The following TVP23A variants were observed in gnomAD, a reference collection of about 807,000 sequenced individuals.
TVP23A encodes the protein Golgi apparatus membrane protein TVP23 homolog A.
A neutral mutation model predicts 31.7 loss-of-function variants in TVP23A; 21 were observed. The ratio of observed to expected loss-of-function variants is 0.66; its 90% CI spans 0.47 to 0.95. The LOEUF (loss-of-function observed/expected upper bound fraction) is 0.95. Among genes scored for constraint, TVP23A ranks in the 40% least tolerant of loss-of-function variants. The pLI, the probability that TVP23A is intolerant of heterozygous loss-of-function variation, is 0.00. For synonymous variants in TVP23A, 104 were observed against 96.0 expected (o/e 1.08, Z -0.49); for missense variants, 279 against 255.6 (o/e 1.09, Z -0.62).
intron 7 of TVP23A, among the ~76,000 whole-genome samples, 196 bp downstream of exon 7, chr16:10,770,076 C>G (rs530230283): frequency 7.8e-4 from 119 of 152,368 alleles, no homozygotes; most frequent in Middle Eastern, 6.8e-3. Context: ...CGACCCCCAG[C>G]TCCTCACGCC....
At chr16:10,758,079 G>C (rs747320664), downstream of TVP23A, 37 of 1,586,730 alleles carry the variant, frequency 2.3e-5, no homozygotes, top group Non-Finnish European at 3.2e-5. Flanking sequence ...CACACTGTGA[G>C]ATTTCTTTCC....
At chr16:10,775,705 A>G (rs2031960961) in intron 2 of TVP23A, among the ~76,000 whole-genome samples, 1 of 148,954 alleles carries the variant, frequency 6.7e-6, no homozygotes, top group Non-Finnish European at 1.5e-5. Flanking sequence ...GAAGAGAGGG[A>G]GCCAAGGGGA....
chr16:10,758,176 G>A (rs1092688), downstream of TVP23A: 756 of 850,126 alleles, frequency 8.9e-4, 8 homozygotes, highest in Middle Eastern at 7.3e-3. Flanking sequence ...CAGAAACCTC[G>A]TGTTAAAAAC....
intron 2 of TVP23A, among the ~76,000 whole-genome samples, chr16:10,784,753 A>C (rs1341955295): frequency 6.6e-6 from 1 of 152,176 alleles, no homozygotes; most frequent in Non-Finnish European, 1.5e-5. Flanking sequence ...GGAGTATATA[A>C]AAATTATATG....
chr16:10,809,409 G>A (rs997275791), intron 2 of TVP23A, among the ~76,000 whole-genome samples: 14 of 152,256 alleles, frequency 9.2e-5, no homozygotes, highest in African/African-American at 3.4e-4. Context: ...TGGAGGGACT[G>A]AGTTGGCCAG....
At chr16:10,773,264 T>A in intron 5 of TVP23A, 49 bp downstream of exon 5, 1 of 1,547,970 alleles carries the variant, frequency 6.5e-7, no homozygotes, top group Non-Finnish European at 8.7e-7. Flanking sequence ...TGCAAACACT[T>A]TTTTTGCAGA....
At chr16:10,794,720 A>C (rs1286592669) in intron 2 of TVP23A, among the ~76,000 whole-genome samples, 3 of 152,104 alleles carry the variant, frequency 2.0e-5, no homozygotes, top group African/African-American at 7.2e-5. Context: ...AAATCTGCCC[A>C]TGCTCTACTC....
intron 2 of TVP23A, among the ~76,000 whole-genome samples, chr16:10,799,392 G>T (rs1207638151): frequency 1.3e-5 from 2 of 152,322 alleles, no homozygotes; most frequent in Middle Eastern, 3.4e-3. Flanking sequence ...GGAGTATAGT[G>T]GTGGGATCTT....
At chr16:10,778,276 G>A (rs2032199167) in intron 2 of TVP23A, among the ~76,000 whole-genome samples, 1 of 152,136 alleles carries the variant, frequency 6.6e-6, no homozygotes, top group South Asian at 2.1e-4. Context: ...GGAGGTTGCA[G>A]TGAGTCGAGA....
At chr16:10,785,338 A>C (rs1303657856) in intron 2 of TVP23A, among the ~76,000 whole-genome samples, 1 of 146,954 alleles carries the variant, frequency 6.8e-6, no homozygotes, top group African/African-American at 2.5e-5. Flanking sequence ...GGGGAGGTGG[A>C]GGTTGCAGTG....
downstream of TVP23A, chr16:10,761,878 G>C: frequency 6.3e-7 from 1 of 1,594,218 alleles, no homozygotes; most frequent in Non-Finnish European, 8.6e-7. Context: ...CCCCAGTGTG[G>C]GGCGGCACCT....
intron 2 of TVP23A, among the ~76,000 whole-genome samples, chr16:10,817,293 CAG>C (rs2034486975): frequency 6.6e-6 from 1 of 152,204 alleles, no homozygotes; most frequent in African/African-American, 2.4e-5. Context: ...AGGTTTGAAT[CAG>C]AGAGTTTGAT....
intron 2 of TVP23A, among the ~76,000 whole-genome samples, chr16:10,803,245 C>CTGTGTGTGTGGTGTGTGTGTG (rs2033787368): frequency 7.4e-6 from 1 of 135,378 alleles, no homozygotes; most frequent in Non-Finnish European, 1.5e-5. Flanking sequence ...GATCGCGCCA[C>CTGTGTGTGTGGTGTGTGTGTG]TGTGTGTGTG....
chr16:10,810,961 T>C (rs140156885), intron 2 of TVP23A, among the ~76,000 whole-genome samples: 1 of 152,220 alleles, frequency 6.6e-6, no homozygotes, highest in African/African-American at 2.4e-5. Context: ...TCTTTCTCCA[T>C]ACTTACAGAT....
At chr16:10,775,297 CTG>C in intron 2 of TVP23A, 1 of 1,402,522 alleles carries the variant, frequency 7.1e-7, no homozygotes. Context: ...CATGCTGACA[CTG>C]TTTTTTTTCC....
downstream of TVP23A, among the ~76,000 whole-genome samples, chr16:10,759,263 A>AGT (rs1274521049): frequency 2.6e-5 from 4 of 152,112 alleles, no homozygotes; most frequent in East Asian, 7.7e-4. The surrounding 1 kb of genome is among the most constrained non-coding windows in gnomAD (Gnocchi z 4.7). Context: ...CAGCCAATGG[A>AGT]GTGGCAGGCC....
chr16:10,786,715 CTGGGGATGGGCATTGGGAACCTGGTGATG>C (rs2032774051), intron 2 of TVP23A, among the ~76,000 whole-genome samples: 3 of 544 alleles, frequency 5.5e-3, no homozygotes, highest in African/African-American at 0.018. Flanking sequence ...CTGGTGATGA[CTGGGGATGGGCATTGGGAACCTGGTGATG>C]ACTGGGGATG....
chr16:10,788,937 A>G (rs548745771), intron 2 of TVP23A, among the ~76,000 whole-genome samples: 1 of 152,296 alleles, frequency 6.6e-6, no homozygotes, highest in Non-Finnish European at 1.5e-5. Context: ...CATGATGGCA[A>G]TTAGGAGGCT....
chr16:10,818,759 G>T lies in TVP23A; in HGVS notation c.-266C>A, dbSNP rs1036823899. The T allele has an allele frequency of 1.3e-4, 61 of 487,468 alleles. No homozygotes were observed. The East Asian group carries it at 2.2e-3, about 18-fold the overall frequency. The allele number at this position is 487,468 out of a possible 1,614,324, so 30.2% of individuals were successfully genotyped here. ...AGAAAGCGGCGGCAGGGAGGCAACG[G>T]CCTGGGGAACTGCGGACAGAGATAG... On this transcript the variant is annotated 5_prime_UTR_variant, in exon 1 of 8. Coordinates refer to ENST00000299866, the MANE Select transcript of TVP23A (RefSeq NM_001079512.4). This position sits in a 1 kb window ranked among gnomAD's most constrained non-coding sequence, Gnocchi z 4.7.
Sources: gnomAD v4.1 joint callset for allele counts (sites outside exome capture counted in the v4.1 genomes callset) on GRCh38, gnomAD v4.1.1 for gene constraint, Gnocchi (gnomAD v3.1) non-coding constraint, MANE v1.5 for transcripts, NCBI Gene and HGNC (gene_info 2026-07-23, HGNC 2026-07-21) for gene names.